The following CCDC171 variants were observed in gnomAD, a reference collection of about 807,000 sequenced individuals.
The protein encoded by CCDC171 is coiled-coil domain-containing protein 171.
Under a neutral mutation model 168.2 loss-of-function variants are expected in CCDC171, and 177 were observed. The ratio of observed to expected loss-of-function variants is 1.05; its 90% CI spans 0.93 to 1.19. CCDC171 has a LOEUF of 1.19. Ranked by LOEUF, CCDC171 falls within the 50% of genes most tolerant of loss-of-function variation. CCDC171 has a pLI of 0.00. For missense variants in CCDC171, 1,991 were observed against 1,539.0 expected, an observed-to-expected ratio of 1.29 and a Z score of -4.91; for synonymous variants, 687 against 540.8, an observed-to-expected ratio of 1.27 and a Z score of -3.75.
rs538311265 is a variant in CCDC171, at chr9:15,841,547, T to G, written c.3268-5155T>G. Among the ~76,000 whole-genome samples the G allele has an allele frequency of 2.0e-3, 301 of 152,108 alleles. 1 individual carries two copies. The highest frequency in any genetic ancestry group is 3.3e-3 in the Non-Finnish European group (227 of 67,882). The stretch of plus-strand genomic sequence containing the variant: ...CAGTTTATAAATATGTCACCTACTT[T>G]CTGTGTAGGTATTACTAGAAAACAA... On this transcript the variant is annotated intron_variant, in intron 21 of 25. Transcript: ENST00000380701.
chr9:16,013,867 C>G (rs1051281390), intron 3 of CCDC171, among the ~76,000 whole-genome samples: 2 of 152,166 alleles, frequency 1.3e-5, no homozygotes, highest in Non-Finnish European at 2.9e-5. Context: ...AAAACAAATA[C>G]TAACAATCAT....
downstream of CCDC171, among the ~76,000 whole-genome samples, chr9:16,065,809 G>GGTGTGTGT (rs113107786): frequency 0.07 from 10,044 of 144,216 alleles, 412 homozygotes; most frequent in Non-Finnish European, 0.09. Context: ...TTGTGTGCAT[G>GGTGTGTGT]GTGTGTGTGT....
chr9:15,676,255 A>T (rs1435191702), intron 9 of CCDC171, among the ~76,000 whole-genome samples: 1 of 152,076 alleles, frequency 6.6e-6, no homozygotes, highest in Non-Finnish European at 1.5e-5. Context: ...TACACTGCTT[A>T]TTCTATTTAG....
chr9:15,581,043 G>T (rs910246383), intron 4 of CCDC171, among the ~76,000 whole-genome samples: 5 of 152,152 alleles, frequency 3.3e-5, no homozygotes, highest in Non-Finnish European at 7.3e-5. Context: ...CATCATCTCA[G>T]CCCAAAATCT....
the CCDC171 span, among the ~76,000 whole-genome samples, chr9:16,103,082 C>G: frequency 6.6e-6 from 1 of 152,246 alleles, no homozygotes; most frequent in Admixed American, 6.5e-5. Flanking sequence ...TGCAGGCCCC[C>G]CTCCCACCCT....
Position 15,578,913 on chromosome 9 carries a change from G to A in CCDC171, c.242G>A (p.Arg81Gln), listed in dbSNP as rs371347398. The A allele has an allele frequency of 1.9e-5, 31 of 1,613,778 alleles. No homozygotes were observed. The highest frequency in any genetic ancestry group is 6.7e-5 in the Admixed American group (4 of 59,972). ...RSEVEKGEAL[R>Q]QSLEYDLAVA... ...GAGGTTGAAAAGGGAGAAGCATTGCGACAAAGTCTGGAATATGACCTAGCT... is the reference window on the plus strand; with the variant it reads ...GAGGTTGAAAAGGGAGAAGCATTGCAACAAAGTCTGGAATATGACCTAGCT... The change falls in exon 4 of 26, where the codon CGA (arginine) becomes CAA (glutamine). Residue 81 changes from arginine to glutamine, a missense_variant. Transcript: ENST00000380701.
Position 15,573,635 on chromosome 9 carries a change from T to G in CCDC171, c.177+1876T>G, listed in dbSNP as rs528830989. The stretch of plus-strand genomic sequence containing the variant: ...GAAGTAATTGCTTCTATTTACATTG[T>G]AATAATCATATAAAGTGGTATGTGT... On this transcript the variant is annotated intron_variant, in intron 3 of 25. Transcript: ENST00000380701. Among the ~76,000 whole-genome samples the G allele has an allele frequency of 2.8e-3, 308 of 111,982 alleles. 7 individuals carry two copies. The highest frequency in any genetic ancestry group is 1.7e-4 in the Non-Finnish European group (9 of 51,554). 73.5% of individuals were successfully genotyped at this position (111,982 alleles called of 152,430 possible).
intron 5 of CCDC171, among the ~76,000 whole-genome samples, chr9:15,593,144 CCTCAAGG>C (rs1587236464): frequency 6.6e-6 from 1 of 152,068 alleles, no homozygotes; most frequent in East Asian, 1.9e-4. Flanking sequence ...GAAAAAAAAG[CCTCAAGG>C]CTCTTTGTGA....
chr9:15,792,716 C>G (rs1472739642), intron 21 of CCDC171, among the ~76,000 whole-genome samples: 1 of 152,114 alleles, frequency 6.6e-6, no homozygotes, highest in East Asian at 1.9e-4. Flanking sequence ...TCATATCCAG[C>G]CAAACTAAGC....
chr9:15,640,166 T>G (rs1410015728), intron 7 of CCDC171, among the ~76,000 whole-genome samples: 2 of 152,180 alleles, frequency 1.3e-5, no homozygotes, highest in Non-Finnish European at 2.9e-5. Context: ...GTCACATTTG[T>G]TTAATGGGAT....
intron 2 of CCDC171, among the ~76,000 whole-genome samples, chr9:15,569,892 A>G (rs1222624887): frequency 6.6e-6 from 1 of 150,636 alleles, no homozygotes; most frequent in Non-Finnish European, 1.5e-5. Context: ...TTTTTGCTTT[A>G]TTTTCTGGGA....
rs1406783629 is a variant in CCDC171, at chr9:16,026,702, G to T, written n.998+3794G>T. 2.6e-5 allele frequency among the ~76,000 whole-genome samples: 4 copies of T among 152,242 alleles called. No homozygotes were observed. The East Asian group carries it at 7.7e-4, about 29-fold the overall frequency. ...GATTAGACAGGGATGACAGTTAAGG[G>T]GTTACTGGTAATAGGAAAATCATTA... On this transcript the variant is annotated intron_variant and non_coding_transcript_variant, in intron 6 of 9. Coordinates refer to the CCDC171 transcript ENST00000486641.
At chr9:15,686,675 C>G (rs529328804) in intron 10 of CCDC171, among the ~76,000 whole-genome samples, 1 of 152,062 alleles carries the variant, frequency 6.6e-6, no homozygotes, top group African/African-American at 2.4e-5. Context: ...AGAGGGACAT[C>G]TCATGTTGTT....
chr9:15,961,890 A>G (rs984941233), intron 25 of CCDC171, among the ~76,000 whole-genome samples: 3 of 152,190 alleles, frequency 2.0e-5, no homozygotes, highest in Non-Finnish European at 4.4e-5. Context: ...CAAGCACCAT[A>G]TGTAATTTTG....
At chr9:15,667,877 A>G (rs2048842866) in intron 9 of CCDC171, among the ~76,000 whole-genome samples, 1 of 152,198 alleles carries the variant, frequency 6.6e-6, no homozygotes, top group Non-Finnish European at 1.5e-5. Context: ...GTATGACTTA[A>G]ATGACATTCT....
intron 4 of CCDC171, among the ~76,000 whole-genome samples, chr9:15,581,901 C>T (rs991119424): frequency 6.6e-6 from 1 of 152,120 alleles, no homozygotes; most frequent in Non-Finnish European, 1.5e-5. Flanking sequence ...ACACCAAAAG[C>T]AATGGCAACA....
At chr9:15,721,520 A>G (rs1268717203) in intron 11 of CCDC171, among the ~76,000 whole-genome samples, 2 of 150,896 alleles carry the variant, frequency 1.3e-5, no homozygotes, top group Non-Finnish European at 3.0e-5. Flanking sequence ...TAAATTTGAT[A>G]TATTATGAAC....
chr9:15,863,971 G>T (rs1312677252), intron 23 of CCDC171, among the ~76,000 whole-genome samples: 2 of 152,038 alleles, frequency 1.3e-5, no homozygotes, highest in Admixed American at 1.3e-4. Flanking sequence ...AACTCATTTT[G>T]TAAAGTTGTA....
At position 15,757,460 on chromosome 9, in the gene CCDC171, T is replaced by G. The variant is rs189173826; in HGVS notation, c.2671+11829T>G. Among the ~76,000 whole-genome samples the G allele has an allele frequency of 1.3e-4, 20 of 152,288 alleles. No individual in the cohort carries two copies. The East Asian group carries it at 3.7e-3, about 28-fold the overall frequency. Reference sequence around the variant, plus strand: ...ATTTCTAAGCAGCAAAAGAGGTGACTTGGGTACTGTTAAAGGCATTTAGTT... The same window carrying G: ...ATTTCTAAGCAGCAAAAGAGGTGACGTGGGTACTGTTAAAGGCATTTAGTT... On this transcript the variant is annotated intron_variant, in intron 18 of 25. Transcript: ENST00000380701.
Sources: allele counts gnomAD v4.1 joint callset (sites outside exome capture counted in the v4.1 genomes callset), GRCh38; gene constraint gnomAD v4.1.1; transcripts MANE v1.5; gene names NCBI Gene and HGNC (gene_info 2026-07-23, HGNC 2026-07-21).